AOPEP: variants seen among roughly 807,000 people sequenced by gnomAD.
The protein encoded by AOPEP is aminopeptidase O.
Under a neutral mutation model 98.1 loss-of-function variants are expected in AOPEP, and 77 were observed. The ratio of observed to expected loss-of-function variants is 0.78; its 90% CI spans 0.65 to 0.95. The LOEUF (loss-of-function observed/expected upper bound fraction) is 0.95, where lower values mean the gene tolerates loss of function less well. Ranked by LOEUF, AOPEP falls within the 40% of genes least tolerant of loss-of-function variation. The pLI, the probability that AOPEP is intolerant of heterozygous loss-of-function variation, is 0.00. For missense variants in AOPEP, 1,024 were observed against 1,024.7 expected (o/e 1.00, Z 0.01); for synonymous variants, 346 against 365.3 (o/e 0.95, Z 0.60).
At chr9:94,991,141 C>T (rs545255304) in intron 11 of AOPEP, among the ~76,000 whole-genome samples, 1 of 152,338 alleles carries the variant, frequency 6.6e-6, no homozygotes, top group South Asian at 2.1e-4. Flanking sequence ...CTGCACAATG[C>T]TCACAGTGGC....
intron 10 of AOPEP, among the ~76,000 whole-genome samples, chr9:94,978,266 T>A (rs74306429): frequency 0.078 from 11,815 of 152,162 alleles, 1,155 homozygotes; most frequent in African/African-American, 0.23. Flanking sequence ...ATGTAGTGTA[T>A]AATACATTAA....
At chr9:95,146,623 C>T in the AOPEP span, among the ~76,000 whole-genome samples, 8 of 151,182 alleles carry the variant, frequency 5.3e-5, no homozygotes, top group Non-Finnish European at 1.2e-4. Flanking sequence ...GCATGTATAC[C>T]TTGAATTCGG....
chr9:94,907,530 G>T (rs998471182), intron 5 of AOPEP, among the ~76,000 whole-genome samples: 5 of 152,054 alleles, frequency 3.3e-5, no homozygotes, highest in African/African-American at 1.2e-4. Flanking sequence ...CGCGGGGAAA[G>T]GTGTAAGGAG....
chr9:94,796,184 C>T (rs964922327), intron 4 of AOPEP, among the ~76,000 whole-genome samples: 5 of 152,218 alleles, frequency 3.3e-5, no homozygotes, highest in Middle Eastern at 3.2e-3. Context: ...TAGGGAAGCG[C>T]GTCTTTCCAT....
At chr9:94,925,121 A>G (rs2054114470) in intron 6 of AOPEP, among the ~76,000 whole-genome samples, 1 of 152,210 alleles carries the variant, frequency 6.6e-6, no homozygotes, top group Non-Finnish European at 1.5e-5. Context: ...CCTCCTGAGT[A>G]GCTAGGATGA....
At chr9:94,796,688 A>G (rs1413758276) in intron 4 of AOPEP, among the ~76,000 whole-genome samples, 2 of 152,206 alleles carry the variant, frequency 1.3e-5, no homozygotes, top group East Asian at 3.8e-4. Flanking sequence ...CATGTGGGTA[A>G]AATTATAGTA....
chr9:95,018,014 G>T (rs987023812), intron 13 of AOPEP, among the ~76,000 whole-genome samples: 2 of 152,162 alleles, frequency 1.3e-5, no homozygotes, highest in African/African-American at 2.4e-5. Flanking sequence ...ACTACATTTT[G>T]TTGATCCACT....
the AOPEP span, chr9:95,117,352 A>C: frequency 4.3e-6 from 7 of 1,614,010 alleles, no homozygotes; most frequent in Non-Finnish European, 5.9e-6. Context: ...CAAGAGATGG[A>C]GAAGTGTAAG....
intron 5 of AOPEP, among the ~76,000 whole-genome samples, chr9:94,857,935 A>G (rs2044434389): frequency 6.6e-6 from 1 of 151,718 alleles, no homozygotes; most frequent in African/African-American, 2.4e-5. Context: ...TTATTTTTTT[A>G]AGACACAGGA....
In AOPEP at chr9:94,773,030, A is replaced by G; in HGVS notation, c.826A>G (p.Ile276Val). 1 of 1,613,922 alleles carries G rather than the reference A, an allele frequency of 6.2e-7. No individual in the cohort carries two copies. Among genetic ancestry groups the G allele is most frequent in the South Asian group, 1.1e-5 (1 of 91,042 alleles). ...RPCVYTVGSP[I>V]NNRALFPCQE... is the part of the protein sequence containing the mutation. ...ATGTGTTTATACTGTGGGATCTCCCATAAACAACAGGGCCCTTTTTCCATG... is the reference window on the plus strand; with the variant it reads ...ATGTGTTTATACTGTGGGATCTCCCGTAAACAACAGGGCCCTTTTTCCATG... Residue 276 changes from isoleucine to valine, a missense_variant, in exon 3 of 17, where the codon ATA becomes GTA. By Grantham distance (29) the Ile-to-Val change is conservative. Around this residue, in one of 3 missense-constraint regions of AOPEP, gnomAD observed 440 missense variants for 433.8 expected, o/e 1.01. Coordinates refer to ENST00000375315, the MANE Select transcript of AOPEP (RefSeq NM_001193329.3).
intron 1 of AOPEP, among the ~76,000 whole-genome samples, chr9:94,733,242 G>A (rs1475221403): frequency 3.3e-5 from 5 of 151,766 alleles, no homozygotes; most frequent in African/African-American, 9.7e-5. Context: ...GGGTGTCTGG[G>A]ACTACAGGTG....
intron 5 of AOPEP, among the ~76,000 whole-genome samples, chr9:94,856,641 TAAAAAAAAAAA>T (rs35234682): frequency 2.3e-5 from 3 of 128,582 alleles, no homozygotes; most frequent in Non-Finnish European, 4.9e-5. Context: ...AACTCCGTCT[TAAAAAAAAAAA>T]AAAAAAAAAA....
At chr9:95,126,634 AAACTTGCTATT>A in the AOPEP span, 1 of 1,576,578 alleles carries the variant, frequency 6.3e-7, no homozygotes, top group South Asian at 1.1e-5. Flanking sequence ...ACTTTCTCAG[AAACTTGCTATT>A]ATCAGCCAAA....
chr9:94,879,394 C>G (rs1021750546), intron 5 of AOPEP, among the ~76,000 whole-genome samples: 2 of 152,328 alleles, frequency 1.3e-5, no homozygotes, highest in Admixed American at 1.3e-4. Flanking sequence ...ATCTCTTTCA[C>G]TGTCTCAGTT....
chr9:95,091,387 T>C (rs1376513298), downstream of AOPEP, among the ~76,000 whole-genome samples: 1 of 152,192 alleles, frequency 6.6e-6, no homozygotes, highest in African/African-American at 2.4e-5. Context: ...AGCGGGGTGC[T>C]GCCTGGCACT....
intron 3 of AOPEP, 31 bp from the exon 4 acceptor site, chr9:94,792,734 C>T: frequency 3.9e-6 from 6 of 1,551,762 alleles, no homozygotes; most frequent in Non-Finnish European, 5.2e-6. Flanking sequence ...ATATATTGGC[C>T]TCATTATGGT....
At position 94,955,929 on chromosome 9, in the gene AOPEP, C is replaced by A; in HGVS notation, c.1786C>A (p.Leu596Ile). The change falls in exon 9 of 17, where the codon CTT becomes ATT. Residue 596 changes from leucine to isoleucine, a missense_variant. Coordinates refer to ENST00000375315, the MANE Select transcript of AOPEP (RefSeq NM_001193329.3). ...CTAGGGCTACTTCCTTCTTCGGTTT[C>A]TTGCCAAAAGACTTGGAGATGAAAC... ...YLKGYFLLRF[L>I]AKRLGDETYF... The A allele has an allele frequency of 6.2e-7, 1 of 1,612,234 alleles. No individual in the cohort carries two copies. Among genetic ancestry groups the A allele is most frequent in the Non-Finnish European group, 8.5e-7 (1 of 1,179,374 alleles).
At chr9:94,992,859 G>A (rs561507230) in intron 11 of AOPEP, among the ~76,000 whole-genome samples, 11 of 152,346 alleles carry the variant, frequency 7.2e-5, no homozygotes, top group African/African-American at 2.6e-4. Context: ...GGAACCTGTA[G>A]AATTGCCCTC....
At chr9:94,729,591 AAG>A (rs1830046204) in intron 1 of AOPEP, among the ~76,000 whole-genome samples, 1 of 148,978 alleles carries the variant, frequency 6.7e-6, no homozygotes. Context: ...AAAAAAAAAA[AAG>A]AAAGAAAAGA....
Sources: allele counts gnomAD v4.1 joint callset (sites outside exome capture counted in the v4.1 genomes callset), GRCh38; gene constraint gnomAD v4.1.1; regional missense constraint gnomAD v4.1.1; transcripts MANE v1.5; gene names NCBI Gene and HGNC (gene_info 2026-07-23, HGNC 2026-07-21).